TANC1: variants seen among roughly 807,000 people sequenced by gnomAD.
TANC1 encodes tetratricopeptide repeat, ankyrin repeat and coiled-coil containing 1, also known as protein TANC1.
A neutral mutation model predicts 149.7 loss-of-function variants in TANC1; 77 were observed. That is an observed-to-expected ratio of 0.51 (90% CI 0.43 to 0.62). The LOEUF is 0.62. TANC1 is among the 20% of genes least tolerant of loss of function. The pLI is 0.00. For synonymous variants in TANC1, 854 were observed against 925.0 expected, an observed-to-expected ratio of 0.92 and a Z score of 1.39; for missense variants, 1,985 against 2,321.8, an observed-to-expected ratio of 0.85 and a Z score of 2.98.
chr2:158,999,732 A>T (rs937882473), intron 1 of TANC1, among the ~76,000 whole-genome samples: 1 of 152,226 alleles, frequency 6.6e-6, no homozygotes, highest in African/African-American at 2.4e-5. Context: ...TAAGTGGCTG[A>T]TGATGAGTCA....
intron 4 of TANC1, among the ~76,000 whole-genome samples, chr2:159,116,066 AAG>A (rs1449811262): frequency 6.6e-6 from 1 of 152,180 alleles, no homozygotes; most frequent in Non-Finnish European, 1.5e-5. Flanking sequence ...CAAGAGAGAA[AAG>A]AGGATTTTGA....
Position 159,151,859 on chromosome 2 carries a change from A to G in TANC1, c.682+1303A>G, listed in dbSNP as rs183929081. On this transcript the variant is annotated intron_variant, in intron 7 of 26. Coordinates refer to ENST00000263635, the MANE Select transcript of TANC1 (RefSeq NM_033394.3). The stretch of plus-strand genomic sequence containing the variant: ...TTTATTAAGATGAAATTCACATACC[A>G]TAGTATTCACTCATTTGAACCATTT... Among the ~76,000 whole-genome samples, 10 of 152,312 alleles carry G rather than the reference A, an allele frequency of 6.6e-5. No individual in the cohort carries two copies. The East Asian group carries it at 1.9e-3, about 29-fold the overall frequency.
chr2:159,065,832 G>T, intron 2 of TANC1, 64 bp from the exon 3 acceptor site: 1 of 1,366,016 alleles, frequency 7.3e-7, no homozygotes, highest in South Asian at 1.2e-5. Flanking sequence ...CTTTTGTCAA[G>T]ACACAAGTTA....
chr2:159,091,514 A>G (rs187137588), intron 3 of TANC1, among the ~76,000 whole-genome samples: 2 of 152,350 alleles, frequency 1.3e-5, no homozygotes, highest in Admixed American at 6.5e-5. Flanking sequence ...TATGTCTTAA[A>G]AGGAAAACTT....
At position 159,230,180 on chromosome 2, in the gene TANC1, C is replaced by A. The variant is rs375026582; in HGVS notation, c.4754C>A (p.Thr1585Lys). The part of the protein sequence containing the change: ...AGSRTQHLEG[T>K]GTFTTRAGCG... ...AGCAGAACCCAGCATTTAGAGGGAA[C>A]AGGTACTTTCACTACAAGAGCTGGT... The change falls in exon 27 of 27, where the codon ACA becomes AAA. Residue 1585 changes from threonine (T) to lysine (K), a missense_variant. Coordinates refer to ENST00000263635, the MANE Select transcript of TANC1 (RefSeq NM_033394.3). The surrounding 1 kb of genome is among the most constrained non-coding windows in gnomAD (Gnocchi z 4.4). 21 of 1,613,974 alleles carry A rather than the reference C, an allele frequency of 1.3e-5. No homozygotes were observed. In the African/African-American group the frequency reaches 2.4e-4, roughly 18 times the overall value.
chr2:159,073,396 A>C (rs34742955), intron 3 of TANC1, among the ~76,000 whole-genome samples: 36,922 of 152,150 alleles, frequency 0.24, 5,895 homozygotes, highest in Non-Finnish European at 0.37. Flanking sequence ...TGGACCCCAG[A>C]GGAAAGGGAA....
chr2:159,197,649 A>G (rs936393780), intron 18 of TANC1, among the ~76,000 whole-genome samples: 1 of 152,144 alleles, frequency 6.6e-6, no homozygotes, highest in African/African-American at 2.4e-5. Flanking sequence ...TGTTAAACAC[A>G]CATATGAAAA....
chr2:159,121,795 C>T (rs545183053), intron 4 of TANC1, among the ~76,000 whole-genome samples: 1 of 152,152 alleles, frequency 6.6e-6, no homozygotes, highest in Middle Eastern at 3.2e-3. Flanking sequence ...ATTTACAGAC[C>T]TGTAAACTAG....
intron 4 of TANC1, among the ~76,000 whole-genome samples, chr2:159,099,058 A>C (rs901365419): frequency 6.6e-6 from 1 of 152,162 alleles, no homozygotes; most frequent in Admixed American, 6.5e-5. Context: ...TTTGAGGTTT[A>C]TGTGCGGGTA....
intron 1 of TANC1, among the ~76,000 whole-genome samples, chr2:158,979,527 C>T (rs1301573490): frequency 1.3e-5 from 2 of 151,684 alleles, no homozygotes; most frequent in East Asian, 3.9e-4. Context: ...AAAAAACTTA[C>T]CGTTTTCATA....
At chr2:159,006,640 C>T (rs1359142670) in intron 2 of TANC1, among the ~76,000 whole-genome samples, 2 of 152,086 alleles carry the variant, frequency 1.3e-5, no homozygotes, top group Non-Finnish European at 2.9e-5. Context: ...TTTCTATACC[C>T]CTAGAGATCA....
At chr2:159,160,985 C>A (rs2053993500) in intron 7 of TANC1, among the ~76,000 whole-genome samples, 1 of 152,146 alleles carries the variant, frequency 6.6e-6, no homozygotes, top group Non-Finnish European at 1.5e-5. Context: ...CCCCTCTCCC[C>A]CTCCACGAGA....
rs767017782 is a variant in TANC1, at chr2:159,228,796, G to A, written c.4051G>A (p.Asp1351Asn). Residue 1351 changes from aspartate to asparagine, a missense_variant and splice_region_variant, in exon 26 of 27, where the codon GAC becomes AAC. Around this residue, in one of 3 missense-constraint regions of TANC1, gnomAD observed 920 missense variants for 994.7 expected, o/e 0.92. Coordinates refer to ENST00000263635, the MANE Select transcript of TANC1 (RefSeq NM_033394.3). Reference protein sequence around the residue: ...NLSRCRRKTNDFGMAEEFASK... With the variant: ...NLSRCRRKTNNFGMAEEFASK... ...CTCCTGTATTTCTTGTCGACACCAGGACTTTGGCATGGCAGAGGAATTTGC... is the reference window on the plus strand; with the variant it reads ...CTCCTGTATTTCTTGTCGACACCAGAACTTTGGCATGGCAGAGGAATTTGC... 6.2e-7 allele frequency: 1 copy of A among 1,613,154 alleles called. No individual in the cohort carries two copies. The highest frequency in any genetic ancestry group is 2.2e-5 in the East Asian group (1 of 44,876).
chr2:159,163,186 C>G, intron 7 of TANC1, 97 bp from the exon 8 acceptor site: 2 of 1,258,422 alleles, frequency 1.6e-6, no homozygotes, highest in Non-Finnish European at 2.2e-6. Context: ...GACTGGAAAA[C>G]TTTCCATTGA....
chr2:159,059,531 AAG>A (rs1305983352), intron 2 of TANC1, among the ~76,000 whole-genome samples: 1 of 151,792 alleles, frequency 6.6e-6, no homozygotes, highest in African/African-American at 2.4e-5. Context: ...ATAAAAAAAA[AAG>A]AAGAACCAAA....
intron 3 of TANC1, among the ~76,000 whole-genome samples, chr2:159,083,627 T>C (rs889300158): frequency 7.2e-5 from 11 of 152,232 alleles, no homozygotes; most frequent in African/African-American, 2.7e-4. Context: ...CAAAAAGTAA[T>C]AGCTATTGAA....
chr2:158,999,710 C>T (rs1021861656), intron 1 of TANC1, among the ~76,000 whole-genome samples: 5 of 152,070 alleles, frequency 3.3e-5, no homozygotes, highest in African/African-American at 9.7e-5. Flanking sequence ...AGAAAATGTC[C>T]GACATCATAT....
chr2:158,990,162 G>T (rs1056049973), intron 1 of TANC1, among the ~76,000 whole-genome samples: 5 of 151,742 alleles, frequency 3.3e-5, no homozygotes, highest in African/African-American at 1.2e-4. Flanking sequence ...TGATCTGCCC[G>T]CCTGACCTCG....
intron 14 of TANC1, among the ~76,000 whole-genome samples, chr2:159,184,486 T>TA (rs1338862358): frequency 6.6e-6 from 1 of 152,206 alleles, no homozygotes; most frequent in Non-Finnish European, 1.5e-5. Context: ...AAGTGATAGT[T>TA]AGTGTGTCTT....
Sources: gnomAD v4.1 joint callset for allele counts (sites outside exome capture counted in the v4.1 genomes callset) on GRCh38, gnomAD v4.1.1 for gene constraint, gnomAD v4.1.1 regional missense constraint, Gnocchi (gnomAD v3.1) non-coding constraint, MANE v1.5 for transcripts, NCBI Gene and HGNC (gene_info 2026-07-23, HGNC 2026-07-21) for gene names.